Variants in PUDP observed in about 807,000 individuals in gnomAD.
The protein encoded by PUDP is pseudouridine 5'-phosphatase.
A neutral mutation model predicts 9.4 loss-of-function variants in PUDP; 8 were observed. That is an observed-to-expected ratio of 0.85 (90% CI 0.50 to 1.53). The LOEUF is 1.53. PUDP is among the 40% of genes most tolerant of loss of function. The pLI, the probability that PUDP is intolerant of heterozygous loss-of-function variation, is 0.00. For missense variants in PUDP, 188 were observed against 189.7 expected, an observed-to-expected ratio of 0.99 and a Z score of 0.05; for synonymous variants, 99 against 80.7, an observed-to-expected ratio of 1.23 and a Z score of -1.22.
At chrX:6,744,939 T>A (rs961196553) in intron 3 of PUDP, among the ~76,000 whole-genome samples, 1 of 111,770 alleles carries the variant, frequency 8.9e-6, no homozygotes, top group Non-Finnish European at 1.9e-5. Context: ...AAAGACAATA[T>A]CATCAACGAG....
At chrX:6,882,610 A>G (rs1278738381) in intron 3 of PUDP, among the ~76,000 whole-genome samples, 2 of 112,116 alleles carry the variant, frequency 1.8e-5, no homozygotes, top group Non-Finnish European at 3.8e-5. Flanking sequence ...GGGTGGGATC[A>G]TAACATCAGG....
chrX:7,126,486 CATAGAAATTAATT>C (rs1932489911), intron 1 of PUDP, among the ~76,000 whole-genome samples: 1 of 112,039 alleles, frequency 8.9e-6, no homozygotes, highest in South Asian at 3.7e-4. Context: ...GGGTGGCTTA[CATAGAAATTAATT>C]TTCTTGCAAT....
chrX:6,829,627 C>A lies in PUDP; in HGVS notation c.*248-123161G>T, dbSNP rs1366070997. 4.5e-5 allele frequency among the ~76,000 whole-genome samples: 5 copies of A among 111,780 alleles called. No homozygotes were observed. In the Admixed American group the frequency reaches 4.8e-4, roughly 11 times the overall value. ...GTTTTAATTTGCACTTTCCTGACAACCTGTTATATAGAGTCTCTTTTCATA... is the reference window on the plus strand; with the variant it reads ...GTTTTAATTTGCACTTTCCTGACAAACTGTTATATAGAGTCTCTTTTCATA... On this transcript the variant is annotated intron_variant and NMD_transcript_variant, in intron 3 of 3. Coordinates refer to the PUDP transcript ENST00000655425.
At chrX:6,725,586 T>G (rs1013853897), upstream of PUDP, among the ~76,000 whole-genome samples, 1 of 112,056 alleles carries the variant, frequency 8.9e-6, no homozygotes, top group African/African-American at 3.2e-5. Context: ...CTTAGGTTGA[T>G]TCCATATCTT....
chrX:6,860,476 TTTTTTG>T (rs1926982011), intron 3 of PUDP, among the ~76,000 whole-genome samples: 1 of 101,137 alleles, frequency 9.9e-6, no homozygotes, highest in Admixed American at 1.1e-4. Flanking sequence ...TTGTTTTTTG[TTTTTTG>T]TTTTTTGAGA....
chrX:7,116,857 C>T lies in PUDP; in HGVS notation c.62-11019G>A, dbSNP rs1441073925. ...TCCTCCACTTGGTGATCAGTGAGCT[C>T]TTGCTCTGAGTTCACATGAGAGCTG... On this transcript the variant is annotated intron_variant, in intron 1 of 3. Transcript: ENST00000381077. 4.6e-6 allele frequency: 5 copies of T among 1,093,010 alleles called. No individual in the cohort carries two copies. The Admixed American group carries it at 1.1e-4, about 25-fold the overall frequency. The allele number at this position is 1,093,010 out of a possible 1,213,427, so 90.1% of individuals were successfully genotyped here. A position where few individuals can be genotyped will look rare whatever the true frequency, so the allele number is the denominator to read the frequency against.
intron 3 of PUDP, among the ~76,000 whole-genome samples, chrX:6,909,473 G>A (rs2079523300): frequency 8.9e-6 from 1 of 111,869 alleles, no homozygotes; most frequent in Non-Finnish European, 1.9e-5. Flanking sequence ...TTAGTCTAAA[G>A]CAGGGGTTGG....
intron 1 of PUDP, among the ~76,000 whole-genome samples, chrX:7,111,416 CCTGT>C (rs774068618): frequency 2.3e-4 from 25 of 106,862 alleles, no homozygotes; most frequent in African/African-American, 7.2e-4. Flanking sequence ...AGTTTCTTAG[CCTGT>C]CTAACATACG....
intron 1 of PUDP, among the ~76,000 whole-genome samples, chrX:7,002,308 A>T (rs1418046682): frequency 8.9e-6 from 1 of 112,362 alleles, no homozygotes; most frequent in Non-Finnish European, 1.9e-5. Flanking sequence ...TGCCCATATC[A>T]GCTACCAAGG....
At chrX:6,741,826 CTCTCTTTCTT>C (rs1327477683) in intron 3 of PUDP, among the ~76,000 whole-genome samples, 8 of 97,429 alleles carry the variant, frequency 8.2e-5, no homozygotes, top group African/African-American at 2.9e-4. Context: ...CTCTCTCTCT[CTCTCTTTCTT>C]TCTTTCTTTC....
chrX:7,147,867 C>T (rs1388250536), intron 1 of PUDP, 186 bp downstream of exon 1: 2 of 203,546 alleles, frequency 9.8e-6, no homozygotes, highest in Non-Finnish European at 1.8e-5. Context: ...CGGACATGGG[C>T]CCGCGGGCGC....
chrX:6,980,603 A>G (rs1929018654), intron 1 of PUDP, among the ~76,000 whole-genome samples: 1 of 110,039 alleles, frequency 9.1e-6, no homozygotes, highest in Non-Finnish European at 1.9e-5. Flanking sequence ...AAGGTGCATT[A>G]CAGCCGGCCC....
chrX:6,956,464 A>G (rs1928629851), intron 3 of PUDP, among the ~76,000 whole-genome samples: 1 of 111,276 alleles, frequency 9.0e-6, no homozygotes, highest in South Asian at 3.8e-4. Flanking sequence ...GTACATAAAC[A>G]GATATGTAAT....
At position 6,905,105 on chromosome X, in the gene PUDP, T is replaced by C. The variant is rs1461544688; in HGVS notation, c.*247+72028A>G. On this transcript the variant is annotated intron_variant and NMD_transcript_variant, in intron 3 of 3. Coordinates refer to the PUDP transcript ENST00000655425. Reference sequence around the variant, plus strand: ...TGCTTACATTCTTCTGAAGGTTGTATTGACATAGAAGAAAAAAGTCTAATC... The same window carrying C: ...TGCTTACATTCTTCTGAAGGTTGTACTGACATAGAAGAAAAAAGTCTAATC... Among the ~76,000 whole-genome samples, 4 of 111,808 alleles carry C rather than the reference T, an allele frequency of 3.6e-5. No homozygotes were observed. In the East Asian group the frequency reaches 1.1e-3, roughly 32 times the overall value.
chrX:6,774,779 A>T (rs1925421802), intron 3 of PUDP, among the ~76,000 whole-genome samples: 1 of 111,997 alleles, frequency 8.9e-6, no homozygotes, highest in South Asian at 3.7e-4. Flanking sequence ...CACACCAAAT[A>T]AACACTCAGT....
chrX:6,912,851 A>G (rs1166047185), intron 3 of PUDP, among the ~76,000 whole-genome samples: 1 of 112,282 alleles, frequency 8.9e-6, no homozygotes. Flanking sequence ...AGAAATAATT[A>G]CTGTCCACAG....
chrX:7,010,779 T>A (rs1929466238), intron 1 of PUDP, among the ~76,000 whole-genome samples: 2 of 111,910 alleles, frequency 1.8e-5, no homozygotes, highest in Admixed American at 1.9e-4. Flanking sequence ...CAACCAAGAC[T>A]GAAGCCCACT....
At chrX:6,952,169 G>A (rs1252794949) in intron 3 of PUDP, among the ~76,000 whole-genome samples, 1 of 111,769 alleles carries the variant, frequency 8.9e-6, no homozygotes, top group Non-Finnish European at 1.9e-5. Flanking sequence ...AGTGTTCAAT[G>A]GGCATTACAT....
At chrX:7,033,822 C>T (rs1461894686) in intron 1 of PUDP, among the ~76,000 whole-genome samples, 1 of 112,046 alleles carries the variant, frequency 8.9e-6, no homozygotes. Context: ...CATGCGAACC[C>T]CAGAGCTTCA....
Sources: allele counts gnomAD v4.1 joint callset (sites outside exome capture counted in the v4.1 genomes callset), GRCh38; gene constraint gnomAD v4.1.1; transcripts MANE v1.5; gene names NCBI Gene and HGNC (gene_info 2026-07-23, HGNC 2026-07-21).